The following BIN2 variants were observed in gnomAD, a reference collection of about 807,000 sequenced individuals.
BIN2 encodes bridging integrator 2.
A neutral mutation model predicts 67.9 loss-of-function variants in BIN2; 43 were observed. That is an observed-to-expected ratio of 0.63 (90% confidence interval 0.50 to 0.82). The LOEUF is 0.82. Ranked by LOEUF, BIN2 falls within the 40% of genes least tolerant of loss-of-function variation. The pLI is 0.00. For synonymous variants in BIN2, 244 were observed against 246.8 expected (o/e 0.99, Z 0.11); for missense variants, 581 against 671.6 (o/e 0.87, Z 1.49).
intron 10 of BIN2, among the ~76,000 whole-genome samples, chr12:51,291,011 T>G (rs1052834369): frequency 6.6e-6 from 1 of 150,940 alleles, no homozygotes; most frequent in African/African-American, 2.4e-5. Context: ...TAGCCGGGTG[T>G]GGTGGCGTGC....
At chr12:51,286,904 C>T (rs1278987216) in intron 11 of BIN2, among the ~76,000 whole-genome samples, 1 of 147,650 alleles carries the variant, frequency 6.8e-6, no homozygotes, top group Non-Finnish European at 1.5e-5. Flanking sequence ...GCTCACTGTA[C>T]CCTTGACCTC....
At chr12:51,303,587 C>A (rs1332501048) in intron 2 of BIN2, among the ~76,000 whole-genome samples, 1 of 152,166 alleles carries the variant, frequency 6.6e-6, no homozygotes, top group South Asian at 2.1e-4. Flanking sequence ...CTCACTTTAC[C>A]CTTCCCTTCC....
chr12:51,324,032 G>T lies in BIN2; in HGVS notation c.71C>A (p.Ala24Asp). ...AKQVQKKFSRAQEKVLQKLGK... is the reference protein window; with the variant it reads ...AKQVQKKFSRDQEKVLQKLGK... Reference sequence around the variant, plus strand: ...GGCCCGGCCACCTACCTTCTCCTGGGCCCTGCTAAACTTCTTCTGCACCTG... The same window carrying T: ...GGCCCGGCCACCTACCTTCTCCTGGTCCCTGCTAAACTTCTTCTGCACCTG... Residue 24 changes from alanine to aspartate, a missense_variant, in exon 1 of 13, where the codon GCC becomes GAC. Transcript: ENST00000615107. 1 of 1,613,496 alleles carries T rather than the reference G, an allele frequency of 6.2e-7. No homozygotes were observed.
In BIN2 at chr12:51,323,966, C is replaced by G. The variant is rs1239685729; in HGVS notation, c.81+56G>C. On this transcript the variant is annotated intron_variant, in intron 1 of 12. Transcript: ENST00000615107. ...CCCGCCCCTCCTGCCCGGCCGGGCT[C>G]GGCCTCGGCCTCGGCTCCCTGTGGG... The G allele has an allele frequency of 2.5e-6, 4 of 1,596,280 alleles. No individual in the cohort carries two copies. In the East Asian group the frequency reaches 6.8e-5, roughly 27 times the overall value.
intron 12 of BIN2, among the ~76,000 whole-genome samples, chr12:51,283,840 C>T (rs1031456803): frequency 6.6e-6 from 1 of 151,674 alleles, no homozygotes; most frequent in African/African-American, 2.4e-5. Flanking sequence ...ACTAAAAGTA[C>T]AAAATTAGCT....
At chr12:51,299,735 A>T (rs1945673760) in intron 5 of BIN2, 21 bp from the exon 6 acceptor site, 3 of 1,608,268 alleles carry the variant, frequency 1.9e-6, no homozygotes, top group African/African-American at 1.3e-5. Context: ...GTAATGAGAA[A>T]GGGTGTGGAT....
At chr12:51,321,391 A>C (rs1379726009) in intron 1 of BIN2, among the ~76,000 whole-genome samples, 5 of 152,020 alleles carry the variant, frequency 3.3e-5, no homozygotes, top group African/African-American at 1.2e-4. Flanking sequence ...AAAGGGAGAG[A>C]GAATCACTTT....
intron 11 of BIN2, among the ~76,000 whole-genome samples, chr12:51,287,842 G>A (rs919311608): frequency 1.3e-5 from 2 of 151,002 alleles, no homozygotes; most frequent in South Asian, 2.1e-4. Context: ...TAGTAGAGAC[G>A]GGGTTTCACC....
intron 7 of BIN2, chr12:51,297,365 A>G (rs3782469): frequency 0.63 from 281,877 of 446,164 alleles, 93,447 homozygotes; most frequent in Middle Eastern, 0.74. Flanking sequence ...TCAGGAGATC[A>G]AGACCATCCT....
intron 1 of BIN2, among the ~76,000 whole-genome samples, chr12:51,321,468 C>A (rs187597773): frequency 6.6e-6 from 1 of 151,384 alleles, no homozygotes; most frequent in South Asian, 2.1e-4. Context: ...GGCGCGATCT[C>A]GGCTCACGGC....
At chr12:51,298,477 C>T (rs1319376704) in intron 7 of BIN2, among the ~76,000 whole-genome samples, 5 of 151,716 alleles carry the variant, frequency 3.3e-5, no homozygotes, top group African/African-American at 4.8e-5. Context: ...TGCTTGAACC[C>T]GGGAGGCATA....
chr12:51,291,681 T>G lies in BIN2; in HGVS notation c.1425A>C (p.Pro475=). ...TTTCTTTGGCCTCAGGAGTTCTTAC[T>G]GGCTTCTCTGGTGGTTCTGGATTAG... ...VSPNPEPPEK[P]VRTPEAKENE... Residue 475 remains proline (P), a synonymous_variant, in exon 10 of 13, where the codon CCA becomes CCC. Coordinates refer to ENST00000615107, the MANE Select transcript of BIN2 (RefSeq NM_016293.4). 1 of 1,613,858 alleles carries G rather than the reference T, an allele frequency of 6.2e-7. No individual in the cohort carries two copies.
Position 51,292,312 on chromosome 12 carries a change from G to A in BIN2, c.794C>T (p.Pro265Leu), listed in dbSNP as rs1057181400. ...ACTGGAGACTGTAGCTGTTCGAACT[G>A]GGGGAGAAATGACTAAAGAGCGCCT... ...SSRRSLVISP[P>L]VRTATVSSPL... is the part of the protein sequence containing the mutation. The change falls in exon 10 of 13, where the codon CCA becomes CTA. Residue 265 changes from proline to leucine, a missense_variant. Pro to Leu is a moderately conservative substitution (Grantham distance 98, BLOSUM62 -3). Coordinates refer to ENST00000615107, the MANE Select transcript of BIN2 (RefSeq NM_016293.4). 6.3e-7 allele frequency: 1 copy of A among 1,591,768 alleles called. No homozygotes were observed. The highest frequency in any genetic ancestry group is 8.5e-7 in the Non-Finnish European group (1 of 1,174,200).
chr12:51,315,294 C>T (rs1239146264), intron 1 of BIN2, among the ~76,000 whole-genome samples: 1 of 151,922 alleles, frequency 6.6e-6, no homozygotes, highest in African/African-American at 2.4e-5. Flanking sequence ...CTCAGCCTCC[C>T]GATTAGCTTC....
intron 1 of BIN2, among the ~76,000 whole-genome samples, chr12:51,322,182 T>G (rs1946299630): frequency 6.6e-6 from 1 of 152,202 alleles, no homozygotes; most frequent in African/African-American, 2.4e-5. Flanking sequence ...CAATTTAGTG[T>G]TCTTACCATA....
intron 7 of BIN2, chr12:51,297,403 TAA>T (rs34375896): frequency 2.7e-3 from 604 of 222,778 alleles, no homozygotes; most frequent in South Asian, 5.6e-3. Context: ...CCGTCTCTAC[TAA>T]AAAAAAAAAA....
At chr12:51,317,849 G>A (rs1427027290) in intron 1 of BIN2, among the ~76,000 whole-genome samples, 7 of 151,922 alleles carry the variant, frequency 4.6e-5, no homozygotes, top group African/African-American at 9.7e-5. Context: ...TTAGCCAGGC[G>A]TGGTGGTGGG....
At chr12:51,311,097 C>CTT (rs202234779) in intron 2 of BIN2, among the ~76,000 whole-genome samples, 18 of 130,618 alleles carry the variant, frequency 1.4e-4, no homozygotes, top group African/African-American at 5.0e-4. Context: ...TATGTAGGGG[C>CTT]TTTTTTTTTT....
chr12:51,324,159 C>G lies in BIN2; in HGVS notation c.-57G>C. 1.2e-6 allele frequency: 2 copies of G among 1,600,892 alleles called. No homozygotes were observed. The highest frequency in any genetic ancestry group is 1.3e-5 in the African/African-American group (1 of 74,396). On this transcript the variant is annotated 5_prime_UTR_variant, in exon 1 of 13. Coordinates refer to ENST00000615107, the MANE Select transcript of BIN2 (RefSeq NM_016293.4). ...CCCCGCGCCCTGTGGTTTTCTGAGG[C>G]CCCCGAGGAGGAAGTGCGGGCTCCC... is the stretch of plus-strand genomic sequence containing the variant.
Sources: gnomAD v4.1 joint callset for allele counts (sites outside exome capture counted in the v4.1 genomes callset) on GRCh38, gnomAD v4.1.1 for gene constraint, MANE v1.5 for transcripts, NCBI Gene and HGNC (gene_info 2026-07-23, HGNC 2026-07-21) for gene names.